The following KDM4C variants were observed in gnomAD, a reference collection of about 807,000 sequenced individuals.
KDM4C encodes the protein lysine-specific demethylase 4C.
KDM4C carries 81 observed loss-of-function variants against 129.3 expected under a neutral mutation model. The observed-to-expected ratio is 0.63, with a 90% CI of 0.52 to 0.75. The LOEUF (loss-of-function observed/expected upper bound fraction) is 0.75. KDM4C is among the 30% of genes least tolerant of loss of function. KDM4C has a pLI of 0.00. For synonymous variants in KDM4C, 573 were observed against 456.1 expected (o/e 1.26, Z -3.26); for missense variants, 1,457 against 1,304.0 (o/e 1.12, Z -1.81).
intron 8 of KDM4C, among the ~76,000 whole-genome samples, chr9:6,927,117 ATC>A (rs1336587223): frequency 1.3e-5 from 2 of 151,370 alleles, no homozygotes; most frequent in Non-Finnish European, 2.9e-5. Flanking sequence ...CTATCTATCT[ATC>A]TATCTATCTA....
intron 18 of KDM4C, among the ~76,000 whole-genome samples, chr9:7,120,769 T>A (rs1839404217): frequency 6.6e-6 from 1 of 152,216 alleles, no homozygotes; most frequent in African/African-American, 2.4e-5. Flanking sequence ...TCTCAAGTCT[T>A]TCTTACATCA....
chr9:6,944,411 T>A (rs977870974), intron 8 of KDM4C, among the ~76,000 whole-genome samples: 1 of 152,210 alleles, frequency 6.6e-6, no homozygotes, highest in African/African-American at 2.4e-5. Context: ...TTGAGTACAT[T>A]GTTCAAAAGA....
intron 8 of KDM4C, chr9:6,925,094 AG>A (rs2131246928): frequency 1.0e-6 from 1 of 985,436 alleles, no homozygotes; most frequent in African/African-American, 1.7e-5. Context: ...TTAGCTTTCT[AG>A]TACAGACCAT....
At chr9:7,093,460 A>T (rs1836045249) in intron 17 of KDM4C, among the ~76,000 whole-genome samples, 1 of 152,142 alleles carries the variant, frequency 6.6e-6, no homozygotes, top group East Asian at 1.9e-4. Context: ...ATTTTTGCTT[A>T]TTCATTTTAT....
intron 17 of KDM4C, among the ~76,000 whole-genome samples, chr9:7,098,234 C>T (rs752583438): frequency 5.3e-5 from 8 of 152,172 alleles, no homozygotes; most frequent in Non-Finnish European, 1.2e-4. Context: ...TGATCCCTGG[C>T]CACCTCTGTC....
chr9:6,835,289 A>C, intron 4 of KDM4C: 1 of 909,594 alleles, frequency 1.1e-6, no homozygotes, highest in South Asian at 1.3e-5. Flanking sequence ...ACTACCTTGA[A>C]CTCCATTATG....
intron 5 of KDM4C, among the ~76,000 whole-genome samples, chr9:6,869,903 G>T (rs184442580): frequency 2.0e-5 from 3 of 152,302 alleles, no homozygotes; most frequent in Admixed American, 1.3e-4. Context: ...TAACTAACAA[G>T]ACTTCATAAT....
chr9:6,991,576 TATGGAAATTATTACCTAAGGTC>T (rs776327163), intron 12 of KDM4C, among the ~76,000 whole-genome samples: 3 of 152,218 alleles, frequency 2.0e-5, no homozygotes, highest in Non-Finnish European at 4.4e-5. Flanking sequence ...CAGTTTTACT[TATGGAAATTATTACCTAAGGTC>T]ATGTGTCTGT....
intron 8 of KDM4C, among the ~76,000 whole-genome samples, chr9:6,910,079 T>C (rs1317307807): frequency 6.6e-6 from 1 of 152,186 alleles, no homozygotes; most frequent in African/African-American, 2.4e-5. Flanking sequence ...AAGCTGAATA[T>C]AAAATGTACT....
intron 5 of KDM4C, among the ~76,000 whole-genome samples, chr9:6,858,554 A>G (rs1214325500): frequency 2.6e-5 from 4 of 152,154 alleles, no homozygotes; most frequent in Non-Finnish European, 4.4e-5. Context: ...TGGGCGGATC[A>G]TTTGAGACCA....
intron 2 of KDM4C, among the ~76,000 whole-genome samples, chr9:6,803,565 G>A (rs904258714): frequency 4.1e-5 from 6 of 145,058 alleles, no homozygotes; most frequent in Non-Finnish European, 7.5e-5. Flanking sequence ...AGCAAAACTC[G>A]GTCTCAAAAA....
intron 8 of KDM4C, among the ~76,000 whole-genome samples, chr9:6,919,168 G>C (rs995716798): frequency 6.6e-6 from 1 of 151,334 alleles, no homozygotes; most frequent in Admixed American, 6.6e-5. Flanking sequence ...TTTTCATTGG[G>C]GTTGTTTTTT....
chr9:6,945,042 C>G (rs1240255880), intron 8 of KDM4C, among the ~76,000 whole-genome samples: 6 of 152,014 alleles, frequency 3.9e-5, no homozygotes, highest in African/African-American at 1.5e-4. Context: ...TGTGATCATC[C>G]AGGGACCTTA....
At chr9:7,030,972 C>T (rs1021220268) in intron 15 of KDM4C, among the ~76,000 whole-genome samples, 3 of 151,954 alleles carry the variant, frequency 2.0e-5, no homozygotes, top group African/African-American at 7.3e-5. Flanking sequence ...TTATTTTACT[C>T]TGCAGAATCA....
At position 6,820,264 on chromosome 9, in the gene KDM4C, T is replaced by G. The variant is rs147957679; in HGVS notation, c.435+5519T>G. On this transcript the variant is annotated intron_variant, in intron 4 of 21. Coordinates refer to ENST00000381309, the MANE Select transcript of KDM4C (RefSeq NM_015061.6). ...TCTGAACTTGGCTTTGATGACTAAG[T>G]TCCAGTGAAAGGAGAGAGAGTGAAA... Among the ~76,000 whole-genome samples, 1,224 of 152,230 alleles carry G rather than the reference T, an allele frequency of 8.0e-3. 20 individuals are homozygous for G. Among genetic ancestry groups the G allele is most frequent in the African/African-American group, 0.028 (1,177 of 41,530 alleles).
intron 3 of KDM4C, among the ~76,000 whole-genome samples, chr9:6,809,673 C>T (rs1376803818): frequency 6.6e-6 from 1 of 152,118 alleles, no homozygotes; most frequent in Non-Finnish European, 1.5e-5. Flanking sequence ...AACATTTCTA[C>T]CAGTTACAAA....
At chr9:7,133,277 G>T (rs887242291) in intron 19 of KDM4C, among the ~76,000 whole-genome samples, 1 of 151,980 alleles carries the variant, frequency 6.6e-6, no homozygotes, top group African/African-American at 2.4e-5. Flanking sequence ...TTGAAATTTG[G>T]AGTTAGAAGA....
chr9:6,799,966 T>C (rs1828618354), intron 2 of KDM4C, among the ~76,000 whole-genome samples: 1 of 151,994 alleles, frequency 6.6e-6, no homozygotes, highest in African/African-American at 2.4e-5. Flanking sequence ...CTCACGCCTG[T>C]AGTCCCAGCA....
At chr9:7,140,911 T>C (rs1841679204) in intron 19 of KDM4C, among the ~76,000 whole-genome samples, 1 of 152,186 alleles carries the variant, frequency 6.6e-6, no homozygotes, top group South Asian at 2.1e-4. Flanking sequence ...AGATGGGTGA[T>C]CAGTGCGACC....
Sources: gnomAD v4.1 joint callset for allele counts (sites outside exome capture counted in the v4.1 genomes callset) on GRCh38, gnomAD v4.1.1 for gene constraint, MANE v1.5 for transcripts, NCBI Gene and HGNC (gene_info 2026-07-23, HGNC 2026-07-21) for gene names.